Variants in LRMDA observed in about 807,000 individuals in gnomAD.
LRMDA encodes the protein leucine-rich melanocyte differentiation-associated protein.
In LRMDA, 18 loss-of-function variants were observed where a neutral mutation model predicts 29.8. That is an observed-to-expected ratio of 0.60 (90% CI 0.42 to 0.90). LRMDA has a LOEUF of 0.90. Ranked by LOEUF, LRMDA falls within the 40% of genes least tolerant of loss-of-function variation. LRMDA has a pLI of 0.00. For missense variants in LRMDA, 273 were observed against 273.9 expected (o/e 1.00, Z 0.02); for synonymous variants, 125 against 109.4 (o/e 1.14, Z -0.89).
chr10:75,605,678 A>G (rs1050132938), intron 2 of LRMDA, among the ~76,000 whole-genome samples: 17 of 152,372 alleles, frequency 1.1e-4, no homozygotes, highest in Middle Eastern at 3.4e-3. Flanking sequence ...TATTTCAAAC[A>G]TGAAGAAACT....
intron 2 of LRMDA, among the ~76,000 whole-genome samples, chr10:75,895,737 C>A (rs1373815799): frequency 1.3e-5 from 2 of 152,184 alleles, no homozygotes; most frequent in Non-Finnish European, 2.9e-5. Context: ...TTTAGAACAG[C>A]ACGTGAAGGA....
In LRMDA at chr10:76,246,014, A is replaced by G. The variant is rs149471603; in HGVS notation, c.517-78387A>G. Among the ~76,000 whole-genome samples the G allele has an allele frequency of 3.3e-3, 499 of 152,270 alleles. 3 individuals are homozygous for G. The highest frequency in any genetic ancestry group is 0.011 in the African/African-American group (468 of 41,556). On this transcript the variant is annotated intron_variant, in intron 5 of 6. Coordinates refer to ENST00000611255, the MANE Select transcript of LRMDA (RefSeq NM_001305581.2). ...TATGCCACATACTAAAGACTCTACA[A>G]TTGTTTTCTCAATTGTCACCATGAT...
Position 76,552,806 on chromosome 10 carries a change from C to G in LRMDA, c.602-4403C>G, listed in dbSNP as rs189643392. 3.7e-4 allele frequency among the ~76,000 whole-genome samples: 57 copies of G among 152,252 alleles called. 1 individual carries two copies. The East Asian group carries it at 9.5e-3, about 25-fold the overall frequency. On this transcript the variant is annotated intron_variant, in intron 6 of 6. Transcript: ENST00000611255. ...TCCAGGAATCAGGGAGTCCAGGATG[C>G]TGGATGAATGGATGTGCAAGAATTC... is the stretch of plus-strand genomic sequence containing the variant.
chr10:75,939,048 A>G (rs4746341), intron 2 of LRMDA, among the ~76,000 whole-genome samples: 100,499 of 152,062 alleles, frequency 0.66, 33,394 homozygotes, highest in South Asian at 0.74. Context: ...GCCGCAAACG[A>G]TGAATTAGCC....
intron 2 of LRMDA, among the ~76,000 whole-genome samples, chr10:75,617,704 C>T (rs557633993): frequency 7.9e-5 from 12 of 152,316 alleles, no homozygotes; most frequent in Middle Eastern, 3.4e-3. Flanking sequence ...GCTCATTTTT[C>T]AGGACTGCTC....
chr10:76,166,989 AATAG>A (rs201343151), intron 5 of LRMDA, among the ~76,000 whole-genome samples: 6,665 of 152,056 alleles, frequency 0.044, 171 homozygotes, highest in Middle Eastern at 0.082. Flanking sequence ...GACTTTTTAT[AATAG>A]ATAGCCATTC....
chr10:76,088,104 C>A, intron 5 of LRMDA, among the ~76,000 whole-genome samples: 1 of 152,102 alleles, frequency 6.6e-6, no homozygotes, highest in East Asian at 1.9e-4. Context: ...TGGGTGACAG[C>A]AAGACACACA....
chr10:75,480,582 A>G (rs146266601), intron 2 of LRMDA, among the ~76,000 whole-genome samples: 13 of 152,396 alleles, frequency 8.5e-5, no homozygotes, highest in African/African-American at 2.9e-4. Context: ...GGACACAAAC[A>G]GGGAAGGCAG....
intron 5 of LRMDA, among the ~76,000 whole-genome samples, chr10:76,085,285 C>T (rs962270343): frequency 2.8e-4 from 43 of 152,136 alleles, no homozygotes; most frequent in African/African-American, 8.7e-4. Flanking sequence ...ACAAATAATC[C>T]GAAACACAGA....
chr10:76,144,122 G>A, intron 5 of LRMDA, among the ~76,000 whole-genome samples: 1 of 152,200 alleles, frequency 6.6e-6, no homozygotes, highest in Non-Finnish European at 1.5e-5. Context: ...AAGTTAGGTA[G>A]TGTGATGCCT....
intron 2 of LRMDA, among the ~76,000 whole-genome samples, chr10:75,940,769 G>T (rs916688884): frequency 7.9e-5 from 12 of 151,590 alleles, no homozygotes; most frequent in East Asian, 7.7e-4. Context: ...AAATTTATGG[G>T]GTGTGTGTGT....
At chr10:76,035,204 G>A (rs1315528441) in intron 2 of LRMDA, among the ~76,000 whole-genome samples, 2 of 150,600 alleles carry the variant, frequency 1.3e-5, no homozygotes, top group Non-Finnish European at 2.9e-5. Context: ...CAAAAATTAA[G>A]TGAGAAATCC....
intron 2 of LRMDA, among the ~76,000 whole-genome samples, chr10:75,563,795 C>T (rs960688155): frequency 6.6e-6 from 1 of 152,176 alleles, no homozygotes; most frequent in African/African-American, 2.4e-5. Context: ...TAGAGATCCA[C>T]TCCAGACCCT....
chr10:75,459,860 C>CTT (rs1844564390), intron 2 of LRMDA, among the ~76,000 whole-genome samples: 1 of 152,166 alleles, frequency 6.6e-6, no homozygotes, highest in South Asian at 2.1e-4. Flanking sequence ...GCCTCAAGCC[C>CTT]TTTTATAATC....
chr10:75,768,668 T>C (rs1589193989), intron 2 of LRMDA, among the ~76,000 whole-genome samples: 1 of 152,298 alleles, frequency 6.6e-6, no homozygotes, highest in African/African-American at 2.4e-5. Context: ...ATTAATATAC[T>C]TTGCTTAACC....
At chr10:75,638,158 G>A (rs1841410719) in intron 2 of LRMDA, among the ~76,000 whole-genome samples, 2 of 152,144 alleles carry the variant, frequency 1.3e-5, no homozygotes, top group African/African-American at 4.8e-5. Context: ...GAATGGGGTG[G>A]AAAGCTTGAA....
intron 2 of LRMDA, among the ~76,000 whole-genome samples, chr10:75,887,597 A>G (rs1845412449): frequency 6.6e-6 from 1 of 152,002 alleles, no homozygotes; most frequent in Non-Finnish European, 1.5e-5. Context: ...CCATTTATAT[A>G]CTGTCATCTG....
intron 2 of LRMDA, among the ~76,000 whole-genome samples, chr10:75,879,177 G>A (rs150129688): frequency 2.6e-5 from 4 of 152,316 alleles, no homozygotes; most frequent in East Asian, 3.9e-4. Flanking sequence ...GATGCAGGGT[G>A]GTGGCGGCGT....
At chr10:75,663,733 T>C (rs1227711858) in intron 2 of LRMDA, among the ~76,000 whole-genome samples, 3 of 152,202 alleles carry the variant, frequency 2.0e-5, no homozygotes, top group Non-Finnish European at 4.4e-5. Flanking sequence ...TGTTACTTGG[T>C]CTGCCATCTA....
Sources: gnomAD v4.1 joint callset for allele counts (sites outside exome capture counted in the v4.1 genomes callset) on GRCh38, gnomAD v4.1.1 for gene constraint, MANE v1.5 for transcripts, NCBI Gene and HGNC (gene_info 2026-07-23, HGNC 2026-07-21) for gene names.